NCKAP5: variants seen among roughly 807,000 people sequenced by gnomAD.
The protein encoded by NCKAP5 is NCK associated protein 5.
A neutral mutation model predicts 167.0 loss-of-function variants in NCKAP5; 92 were observed. That is an observed-to-expected ratio of 0.55 (90% CI 0.47 to 0.66). NCKAP5 has a LOEUF of 0.66. Ranked by LOEUF, NCKAP5 falls within the 30% of genes least tolerant of loss-of-function variation. NCKAP5 has a pLI of 0.00. For missense variants in NCKAP5, 2,378 were observed against 2,315.0 expected, an observed-to-expected ratio of 1.03 and a Z score of -0.56; for synonymous variants, 891 against 877.4, an observed-to-expected ratio of 1.02 and a Z score of -0.27.
intron 16 of NCKAP5, among the ~76,000 whole-genome samples, chr2:132,765,172 G>T (rs1160343747): frequency 6.6e-6 from 1 of 152,160 alleles, no homozygotes; most frequent in Non-Finnish European, 1.5e-5. Flanking sequence ...TTCTCAAAAA[G>T]TTACTCAAGG....
intron 6 of NCKAP5, among the ~76,000 whole-genome samples, chr2:133,108,993 A>G (rs1362300511): frequency 6.6e-6 from 1 of 152,134 alleles, no homozygotes; most frequent in African/African-American, 2.4e-5. Context: ...AGGGCCTATA[A>G]TATTTATATG....
chr2:133,462,213 A>G (rs1246008428), intron 3 of NCKAP5, among the ~76,000 whole-genome samples: 1 of 152,152 alleles, frequency 6.6e-6, no homozygotes, highest in Non-Finnish European at 1.5e-5. Context: ...AGCTCTCATC[A>G]TTCTGAGATT....
intron 3 of NCKAP5, among the ~76,000 whole-genome samples, chr2:133,446,736 A>G (rs934493975): frequency 3.3e-5 from 5 of 152,186 alleles, no homozygotes; most frequent in African/African-American, 1.2e-4. Context: ...AAGAGTAACC[A>G]AAGCTAAGCT....
chr2:132,708,728 T>A lies in NCKAP5; in HGVS notation c.5713+16899A>T, dbSNP rs977171861. Among the ~76,000 whole-genome samples the A allele has an allele frequency of 3.3e-5, 5 of 152,242 alleles. 1 individual carries two copies. The highest frequency in any genetic ancestry group is 1.2e-4 in the African/African-American group (5 of 41,458). Reference sequence around the variant, plus strand: ...TATTACCGATATTTGTTTTCTATTCTTTAGAATGCCTTCTTACGTCTTTCC... The same window carrying A: ...TATTACCGATATTTGTTTTCTATTCATTAGAATGCCTTCTTACGTCTTTCC... On this transcript the variant is annotated intron_variant, in intron 19 of 19. Transcript: ENST00000409261.
At chr2:133,122,094 G>C (rs1349948848) in intron 6 of NCKAP5, 2 of 152,214 alleles carry the variant, frequency 1.3e-5, no homozygotes, top group Non-Finnish European at 2.9e-5. Flanking sequence ...TGAGAACAAA[G>C]AGGGAGGGAG....
chr2:132,741,184 C>A (rs1335018832), intron 16 of NCKAP5, among the ~76,000 whole-genome samples: 1 of 152,000 alleles, frequency 6.6e-6, no homozygotes, highest in Non-Finnish European at 1.5e-5. Flanking sequence ...ATGGCCTCTT[C>A]TAAAGTTTTG....
At chr2:133,555,375 C>T (rs1687668913) in intron 2 of NCKAP5, among the ~76,000 whole-genome samples, 1 of 152,144 alleles carries the variant, frequency 6.6e-6, no homozygotes. Flanking sequence ...ACAATGTCCT[C>T]TTCATTTTCT....
At chr2:132,752,418 C>T (rs144098741) in intron 16 of NCKAP5, among the ~76,000 whole-genome samples, 6 of 152,320 alleles carry the variant, frequency 3.9e-5, no homozygotes, top group Admixed American at 1.3e-4. Flanking sequence ...GAGGGCTAAA[C>T]GGAAAGGCTT....
At chr2:133,315,953 A>T (rs1483940729) in intron 3 of NCKAP5, among the ~76,000 whole-genome samples, 5 of 152,196 alleles carry the variant, frequency 3.3e-5, no homozygotes, top group Non-Finnish European at 5.9e-5. Flanking sequence ...CTTGAAAATC[A>T]GTCTCCAAGA....
At chr2:132,940,277 A>G (rs1697195207) in intron 8 of NCKAP5, among the ~76,000 whole-genome samples, 3 of 152,156 alleles carry the variant, frequency 2.0e-5, no homozygotes, top group Admixed American at 2.0e-4. Flanking sequence ...GCATAATCCC[A>G]CAGGATTACT....
At chr2:132,981,817 T>C (rs969776531) in intron 7 of NCKAP5, among the ~76,000 whole-genome samples, 3 of 152,236 alleles carry the variant, frequency 2.0e-5, no homozygotes, top group Non-Finnish European at 2.9e-5. Flanking sequence ...TCATCTTAAT[T>C]TCTTTTGCTT....
At chr2:132,909,989 C>T (rs775266356) in intron 8 of NCKAP5, among the ~76,000 whole-genome samples, 31 of 152,282 alleles carry the variant, frequency 2.0e-4, no homozygotes, top group Non-Finnish European at 3.8e-4. Context: ...TTACAGGCAA[C>T]AATGCTTACA....
intron 4 of NCKAP5, among the ~76,000 whole-genome samples, chr2:133,244,168 A>C (rs1350238523): frequency 6.6e-6 from 1 of 152,092 alleles, no homozygotes; most frequent in African/African-American, 2.4e-5. Context: ...ACTATATTTA[A>C]ACTTTTCTTT....
intron 4 of NCKAP5, among the ~76,000 whole-genome samples, chr2:133,299,567 T>C (rs1332652815): frequency 6.6e-6 from 1 of 151,974 alleles, no homozygotes; most frequent in Non-Finnish European, 1.5e-5. Flanking sequence ...GCCAACATGG[T>C]GAAACACTGT....
intron 16 of NCKAP5, among the ~76,000 whole-genome samples, chr2:132,764,842 G>T (rs72844797): frequency 0.074 from 11,328 of 152,188 alleles, 560 homozygotes; most frequent in East Asian, 0.12. Flanking sequence ...TGACAATCTG[G>T]TCAACTTTCT....
chr2:133,148,152 T>C (rs2083265717), intron 5 of NCKAP5, among the ~76,000 whole-genome samples: 1 of 152,018 alleles, frequency 6.6e-6, no homozygotes, highest in African/African-American at 2.4e-5. Context: ...CCTCTGAAAG[T>C]GGTGTTCTGG....
At position 132,857,171 on chromosome 2, in the gene NCKAP5, C is replaced by CTTT. The variant is rs61007850; in HGVS notation, c.807+3318_807+3320dup. On this transcript the variant is annotated intron_variant, in intron 11 of 19. Coordinates refer to ENST00000409261, the MANE Select transcript of NCKAP5 (RefSeq NM_207363.3). ...TCTTTTTGTTGGAATCTTCCATTAT[C>CTTT]TTTTTTTTTTTAATTTGGCATCAAC... 2.8e-4 allele frequency among the ~76,000 whole-genome samples: 41 copies of CTTT among 148,034 alleles called. 1 individual carries two copies. The South Asian group carries it at 8.1e-3, about 29-fold the overall frequency.
intron 16 of NCKAP5, among the ~76,000 whole-genome samples, chr2:132,751,933 G>A (rs977923907): frequency 1.3e-5 from 2 of 152,216 alleles, no homozygotes; most frequent in Admixed American, 6.5e-5. Flanking sequence ...GTTCAAGGGG[G>A]AAAAGACCAT....
At chr2:133,449,262 T>C (rs980156863) in intron 3 of NCKAP5, among the ~76,000 whole-genome samples, 1 of 152,218 alleles carries the variant, frequency 6.6e-6, no homozygotes, top group African/African-American at 2.4e-5. Context: ...TGCTATTCAT[T>C]CTCATGTTAT....
Sources: allele counts gnomAD v4.1 joint callset (sites outside exome capture counted in the v4.1 genomes callset), GRCh38; gene constraint gnomAD v4.1.1; transcripts MANE v1.5; gene names NCBI Gene and HGNC (gene_info 2026-07-23, HGNC 2026-07-21).